The following ARRDC4 variants were observed in gnomAD, a reference collection of about 807,000 sequenced individuals.
ARRDC4 encodes the protein arrestin domain-containing protein 4.
Under a neutral mutation model 44.6 loss-of-function variants are expected in ARRDC4, and 40 were observed. That is an observed-to-expected ratio of 0.90 (90% CI 0.70 to 1.17). The LOEUF (loss-of-function observed/expected upper bound fraction) is 1.17. ARRDC4 is among the 50% of genes most tolerant of loss of function. The pLI is 0.00. For synonymous variants in ARRDC4, 211 were observed against 221.2 expected (o/e 0.95, Z 0.41); for missense variants, 550 against 559.1 (o/e 0.98, Z 0.16).
rs1220354382 is a variant in ARRDC4, at chr15:97,965,803, T to TA, written c.375-91dup. Reference sequence around the variant, plus strand: ...TCCCTAAATAGACTTACTCTTTTTTTATTTCCAACCTAAAACATTTTAAAC... The same window carrying TA: ...TCCCTAAATAGACTTACTCTTTTTTTAATTTCCAACCTAAAACATTTTAAAC... On this transcript the variant is annotated intron_variant, in intron 2 of 7. Coordinates refer to ENST00000268042, the MANE Select transcript of ARRDC4 (RefSeq NM_183376.3). The surrounding 1 kb of genome is among the most constrained non-coding windows in gnomAD (Gnocchi z 5.1). 1.2e-4 allele frequency: 191 copies of TA among 1,537,438 alleles called. No individual in the cohort carries two copies. Among genetic ancestry groups the TA allele is most frequent in the Non-Finnish European group, 1.6e-4 (180 of 1,123,100 alleles).
In ARRDC4 at chr15:97,970,095, C is replaced by T; in HGVS notation, c.1045+50C>T. ...TAACGAAGCTTTACCTAGAAAATAC[C>T]TAGGAACAGAATATATACACTATTA... On this transcript the variant is annotated intron_variant, in intron 6 of 7. Transcript: ENST00000268042. This position sits in a 1 kb window ranked among gnomAD's most constrained non-coding sequence, Gnocchi z 4.2. The T allele has an allele frequency of 6.4e-7, 1 of 1,563,036 alleles. No individual in the cohort carries two copies. The highest frequency in any genetic ancestry group is 8.7e-7 in the Non-Finnish European group (1 of 1,144,210).
At chr15:97,964,935 A>G (rs1385773634) in intron 1 of ARRDC4, among the ~76,000 whole-genome samples, 1 of 152,134 alleles carries the variant, frequency 6.6e-6, no homozygotes, top group African/African-American at 2.4e-5. Flanking sequence ...TTTTGGTCCA[A>G]TTTAATATTG....
At chr15:97,962,626 C>T (rs1240164492) in intron 1 of ARRDC4, among the ~76,000 whole-genome samples, 8 of 152,110 alleles carry the variant, frequency 5.3e-5, no homozygotes, top group South Asian at 2.1e-4. Flanking sequence ...ATTCGTCACA[C>T]ACACACATAT....
rs1011352840 is a variant in ARRDC4, at chr15:97,961,262, G to A, written c.307+94G>A. On this transcript the variant is annotated intron_variant, in intron 1 of 7. Coordinates refer to ENST00000268042, the MANE Select transcript of ARRDC4 (RefSeq NM_183376.3). ...GCACCCTCGGGATGCCCACCTGGCAGGTGAGATCAGGGCGGGCTTCCGGGG... is the reference window on the plus strand; with the variant it reads ...GCACCCTCGGGATGCCCACCTGGCAAGTGAGATCAGGGCGGGCTTCCGGGG... 9 of 1,173,808 alleles carry A rather than the reference G, an allele frequency of 7.7e-6. No individual in the cohort carries two copies. In the African/African-American group the frequency reaches 1.5e-4, roughly 19 times the overall value. The allele number at this position is 1,173,808 out of a possible 1,614,324, so 72.7% of individuals were successfully genotyped here.
rs755846149 is a variant in ARRDC4, at chr15:97,967,970, A to G, written c.523-44A>G. 2 of 1,282,034 alleles carry G rather than the reference A, an allele frequency of 1.6e-6. No individual in the cohort carries two copies. Among genetic ancestry groups the G allele is most frequent in the Non-Finnish European group, 1.1e-6 (1 of 900,240 alleles). 79.4% of individuals were successfully genotyped at this position (1,282,034 alleles called of 1,614,324 possible). ...TAATTTTAAGTTCTATGAGTTCTCT[A>G]GAGTGGCTTAATTAAGGTTGTTTTA... On this transcript the variant is annotated intron_variant, in intron 3 of 7. Coordinates refer to ENST00000268042, the MANE Select transcript of ARRDC4 (RefSeq NM_183376.3). This position sits in a 1 kb window ranked among gnomAD's most constrained non-coding sequence, Gnocchi z 5.0.
Position 97,970,065 on chromosome 15 carries a change from T to C in ARRDC4, c.1045+20T>C, listed in dbSNP as rs1219646906. On this transcript the variant is annotated intron_variant, in intron 6 of 7. Coordinates refer to ENST00000268042, the MANE Select transcript of ARRDC4 (RefSeq NM_183376.3). This position sits in a 1 kb window ranked among gnomAD's most constrained non-coding sequence, Gnocchi z 4.2. ...CTGAAGGTAAAATATGTTGGCGTTC[T>C]TTCATAACGAAGCTTTACCTAGAAA... 1 of 1,599,060 alleles carries C rather than the reference T, an allele frequency of 6.3e-7. No homozygotes were observed. Among genetic ancestry groups the C allele is most frequent in the Non-Finnish European group, 8.6e-7 (1 of 1,168,460 alleles).
rs1899394643 is a variant in ARRDC4 at position 97,965,161 on chromosome 15, T to G, written c.308-439T>G. 6.6e-6 allele frequency among the ~76,000 whole-genome samples: 1 copy of G among 152,220 alleles called. No homozygotes were observed. The highest frequency in any genetic ancestry group is 2.4e-5 in the African/African-American group (1 of 41,448). ...CTTGGTAAAAACTGGCCAAGTGCAG[T>G]AGCTCACCCCTATAAGCTTAGTGCT... On this transcript the variant is annotated intron_variant, in intron 1 of 7. Transcript: ENST00000268042. The surrounding 1 kb of genome is among the most constrained non-coding windows in gnomAD (Gnocchi z 5.1).
chr15:97,973,807 G>A lies in ARRDC4; in HGVS notation c.*2620G>A, dbSNP rs7167007. 3,947 of 151,604 alleles carry A rather than the reference G, an allele frequency of 0.026. 159 individuals carry two copies. Among genetic ancestry groups the A allele is most frequent in the East Asian group, 0.18 (916 of 5,146 alleles). 9.4% of individuals were successfully genotyped at this position (151,604 alleles called of 1,614,324 possible). On this transcript the variant is annotated 3_prime_UTR_variant, in exon 8 of 8. Transcript: ENST00000268042. ...ATGCTTGTTTGAACCCTATGGGTTCGTTTTATTAATAAAATTATTACACTA... is the reference window on the plus strand; with the variant it reads ...ATGCTTGTTTGAACCCTATGGGTTCATTTTATTAATAAAATTATTACACTA...
chr15:97,971,377 A>T lies in ARRDC4; in HGVS notation c.*190A>T. ...CAGGATTGCCGCACAAGTTTATATG[A>T]TGGTCGTATATATATCCCTGTTAAA... On this transcript the variant is annotated 3_prime_UTR_variant, in exon 8 of 8. Transcript: ENST00000268042. 1.7e-6 allele frequency: 1 copy of T among 585,894 alleles called. No individual in the cohort carries two copies. Among genetic ancestry groups the T allele is most frequent in the Non-Finnish European group, 3.0e-6 (1 of 330,552 alleles). 36.3% of individuals were successfully genotyped at this position (585,894 alleles called of 1,614,324 possible).
chr15:97,972,254 CAAAAT>C lies in ARRDC4; in HGVS notation c.*1071_*1075del, dbSNP rs1251451235. On this transcript the variant is annotated 3_prime_UTR_variant, in exon 8 of 8. Coordinates refer to ENST00000268042, the MANE Select transcript of ARRDC4 (RefSeq NM_183376.3). The surrounding 1 kb of genome is among the most constrained non-coding windows in gnomAD (Gnocchi z 5.3). ...AATATATGTATACCTAAGAGAATGT[CAAAAT>C]AAACACCAAACCAAAAGAAGGTAGG... 2 of 152,490 alleles carry C rather than the reference CAAAAT, an allele frequency of 1.3e-5. No homozygotes were observed. The highest frequency in any genetic ancestry group is 2.1e-4 in the South Asian group (1 of 4,826). The allele number at this position is 152,490 out of a possible 1,614,324, so 9.4% of individuals were successfully genotyped here.
chr15:97,967,109 A>G lies in ARRDC4; in HGVS notation c.523-905A>G, dbSNP rs1899430436. ...TGGCCTGGCTTATAGCTGGGACTTTAACAGCCGCTTGAAAACCATTTTTGA... is the reference window on the plus strand; with the variant it reads ...TGGCCTGGCTTATAGCTGGGACTTTGACAGCCGCTTGAAAACCATTTTTGA... On this transcript the variant is annotated intron_variant, in intron 3 of 7. Transcript: ENST00000268042. The surrounding 1 kb of genome is among the most constrained non-coding windows in gnomAD (Gnocchi z 5.0). Among the ~76,000 whole-genome samples the G allele has an allele frequency of 6.6e-6, 1 of 152,240 alleles. No homozygotes were observed. The highest frequency in any genetic ancestry group is 1.9e-4 in the East Asian group (1 of 5,200).
rs139298600 is a variant in ARRDC4 at position 97,965,871 on chromosome 15, A to G, written c.375-24A>G. The G allele has an allele frequency of 6.2e-7, 1 of 1,607,302 alleles. No homozygotes were observed. The highest frequency in any genetic ancestry group is 2.2e-5 in the East Asian group (1 of 44,774). ...TGTTTAACTGAAAAGTAAACTCATA[A>G]TTAATGTCTTTGGTTGGTTTCAGAC... On this transcript the variant is annotated intron_variant, in intron 2 of 7. Transcript: ENST00000268042. The surrounding 1 kb of genome is among the most constrained non-coding windows in gnomAD (Gnocchi z 5.1).
At position 97,965,760 on chromosome 15, in the gene ARRDC4, C is replaced by A; in HGVS notation, c.374+94C>A. 5 of 1,465,548 alleles carry A rather than the reference C, an allele frequency of 3.4e-6. No homozygotes were observed. The South Asian group carries it at 5.7e-5, about 17-fold the overall frequency. The allele number at this position is 1,465,548 out of a possible 1,614,324, so 90.8% of individuals were successfully genotyped here. ...AGGTCTCTTCTGATTCTCAAGTATG[C>A]ATGTTTACACTGAATAGTCCCTAAA... On this transcript the variant is annotated intron_variant, in intron 2 of 7. Transcript: ENST00000268042. This position sits in a 1 kb window ranked among gnomAD's most constrained non-coding sequence, Gnocchi z 5.1.
rs6496271 is a variant in ARRDC4, at chr15:97,970,399, G to T, written c.1046-190G>T. Among the ~76,000 whole-genome samples the T allele has an allele frequency of 0.51, 77,212 of 151,954 alleles. 19,704 individuals carry two copies. Among genetic ancestry groups the T allele is most frequent in the South Asian group, 0.66 (3,169 of 4,818 alleles). ...TATATCTCAAGAGACTAGAATAGAAGCTATTAGTAGTAGTTTAATAAAAGG... is the reference window on the plus strand; with the variant it reads ...TATATCTCAAGAGACTAGAATAGAATCTATTAGTAGTAGTTTAATAAAAGG... On this transcript the variant is annotated intron_variant, in intron 6 of 7. Coordinates refer to ENST00000268042, the MANE Select transcript of ARRDC4 (RefSeq NM_183376.3). This position sits in a 1 kb window ranked among gnomAD's most constrained non-coding sequence, Gnocchi z 4.2.
intron 1 of ARRDC4, among the ~76,000 whole-genome samples, chr15:97,964,417 A>G (rs192582487): frequency 1.7e-3 from 253 of 152,266 alleles, no homozygotes; most frequent in African/African-American, 6.0e-3. Flanking sequence ...AGGGAATTCA[A>G]TATTAAATCT....
rs1173822543 is a variant in ARRDC4 at position 97,963,113 on chromosome 15, CCCCAGT to C, written c.307+1947_307+1952del. 3.9e-5 allele frequency among the ~76,000 whole-genome samples: 6 copies of C among 152,312 alleles called. No homozygotes were observed. The East Asian group carries it at 1.2e-3, about 29-fold the overall frequency. Reference sequence around the variant, plus strand: ...ATGCAAGTCCCTCACCCTTCCTGAGCCCCAGTCTCTGCCTCTGTAATGGTCTTCTGC... The same window carrying C: ...ATGCAAGTCCCTCACCCTTCCTGAGCCTCTGCCTCTGTAATGGTCTTCTGC... On this transcript the variant is annotated intron_variant, in intron 1 of 7. Coordinates refer to ENST00000268042, the MANE Select transcript of ARRDC4 (RefSeq NM_183376.3).
Position 97,971,116 on chromosome 15 carries a change from G to A in ARRDC4, c.1201-15G>A, listed in dbSNP as rs77250871. 4.4e-3 allele frequency: 7,149 copies of A among 1,612,420 alleles called. 283 individuals carry two copies. In the African/African-American group the frequency reaches 0.084, roughly 19 times the overall value. On this transcript the variant is annotated splice_polypyrimidine_tract_variant and intron_variant, in intron 7 of 7. Coordinates refer to ENST00000268042, the MANE Select transcript of ARRDC4 (RefSeq NM_183376.3). ...AATGCTACAACACTAATCTCAGTCC[G>A]CTCTTTTTTTGCAGGTTGACCCACA... is the stretch of plus-strand genomic sequence containing the variant.
chr15:97,970,647 T>A lies in ARRDC4; in HGVS notation c.1104T>A (p.Pro368=), dbSNP rs751281954. Residue 368 remains proline, a synonymous_variant, in exon 7 of 8, where the codon CCT becomes CCA. Transcript: ENST00000268042. This position sits in a 1 kb window ranked among gnomAD's most constrained non-coding sequence, Gnocchi z 4.2. ...AAGAATTCTCTAGACACATTCCTCCTTACCCTCAACCCCCTAACTGTGAGG... is the reference window on the plus strand; with the variant it reads ...AAGAATTCTCTAGACACATTCCTCCATACCCTCAACCCCCTAACTGTGAGG... The part of the protein sequence containing the change: ...SEEEFSRHIP[P]YPQPPNCEGE... The A allele has an allele frequency of 6.2e-7, 1 of 1,613,374 alleles. No individual in the cohort carries two copies. The highest frequency in any genetic ancestry group is 1.3e-5 in the African/African-American group (1 of 74,912).
chr15:97,961,511 C>G (rs1567192554), intron 1 of ARRDC4, among the ~76,000 whole-genome samples: 2 of 152,178 alleles, frequency 1.3e-5, no homozygotes. Flanking sequence ...AAGAAAGGGA[C>G]GGTGGAACCG....
Sources: allele counts gnomAD v4.1 joint callset (sites outside exome capture counted in the v4.1 genomes callset), GRCh38; gene constraint gnomAD v4.1.1; non-coding constraint Gnocchi (gnomAD v3.1); transcripts MANE v1.5; gene names NCBI Gene and HGNC (gene_info 2026-07-23, HGNC 2026-07-21).